KCND2: variants seen among roughly 807,000 people sequenced by gnomAD.
KCND2 encodes the protein potassium voltage-gated channel subfamily D member 2, also known as A-type voltage-gated potassium channel KCND2.
In KCND2, 16 loss-of-function variants were observed where a neutral mutation model predicts 54.4. The observed-to-expected ratio is 0.29, with a 90% confidence interval of 0.20 to 0.45. The LOEUF (loss-of-function observed/expected upper bound fraction) is 0.45, where lower values mean the gene tolerates loss of function less well. Ranked by LOEUF, KCND2 falls within the 20% of genes least tolerant of loss-of-function variation. The pLI is 1.00. For synonymous variants in KCND2, 317 were observed against 310.7 expected, an observed-to-expected ratio of 1.02 and a Z score of -0.21; for missense variants, 486 against 824.2, an observed-to-expected ratio of 0.59 and a Z score of 5.02.
At chr7:120,524,446 G>C (rs1057071042) in intron 1 of KCND2, among the ~76,000 whole-genome samples, 2 of 151,860 alleles carry the variant, frequency 1.3e-5, no homozygotes, top group African/African-American at 4.8e-5. Flanking sequence ...ATTTTTAAAG[G>C]CTTTTTCTTT....
chr7:120,652,169 G>C (rs1002319847), intron 1 of KCND2, among the ~76,000 whole-genome samples: 1 of 151,808 alleles, frequency 6.6e-6, no homozygotes, highest in Admixed American at 6.6e-5. Flanking sequence ...TCCGCCTCCC[G>C]GGTTCAAGTG....
chr7:120,504,869 A>G (rs10268591), intron 1 of KCND2, among the ~76,000 whole-genome samples: 9,251 of 151,574 alleles, frequency 0.061, 589 homozygotes, highest in African/African-American at 0.17. Context: ...ATCACTCATG[A>G]ATATCGGTAT....
intron 1 of KCND2, among the ~76,000 whole-genome samples, chr7:120,317,735 G>C (rs1458270544): frequency 6.6e-6 from 1 of 152,088 alleles, no homozygotes; most frequent in South Asian, 2.1e-4. Context: ...AAATTAAATT[G>C]TCTTTAGAGA....
chr7:120,350,152 T>C (rs1800381876), intron 1 of KCND2, among the ~76,000 whole-genome samples: 1 of 152,144 alleles, frequency 6.6e-6, no homozygotes, highest in African/African-American at 2.4e-5. Flanking sequence ...TTTTATCTGC[T>C]GCCTTTAAAT....
chr7:120,415,692 A>T (rs567808121), intron 1 of KCND2, among the ~76,000 whole-genome samples: 5 of 152,306 alleles, frequency 3.3e-5, no homozygotes, highest in African/African-American at 1.2e-4. Context: ...GATGAATGGC[A>T]TTAGGCCAAA....
chr7:120,569,942 G>A (rs888198602), intron 1 of KCND2, among the ~76,000 whole-genome samples: 1 of 152,086 alleles, frequency 6.6e-6, no homozygotes, highest in African/African-American at 2.4e-5. Flanking sequence ...TTTGACAAAT[G>A]CTAATGATGC....
intron 1 of KCND2, among the ~76,000 whole-genome samples, chr7:120,340,365 C>T (rs1398664831): frequency 1.3e-5 from 2 of 152,136 alleles, no homozygotes; most frequent in Non-Finnish European, 2.9e-5. Context: ...TGAAATGAAG[C>T]CAGCATGTTT....
At chr7:120,656,221 TA>T (rs1791802016) in intron 1 of KCND2, among the ~76,000 whole-genome samples, 2 of 152,138 alleles carry the variant, frequency 1.3e-5, no homozygotes, top group Admixed American at 1.3e-4. Context: ...TCAGTTGTGA[TA>T]TACTTATAAA....
intron 1 of KCND2, among the ~76,000 whole-genome samples, chr7:120,332,446 G>A (rs566832162): frequency 3.7e-4 from 57 of 152,210 alleles, no homozygotes; most frequent in African/African-American, 1.2e-3. Context: ...GTAACAAAAA[G>A]TAGGTAGATG....
chr7:120,579,508 A>C (rs1046582709), intron 1 of KCND2, among the ~76,000 whole-genome samples: 1 of 151,832 alleles, frequency 6.6e-6, no homozygotes, highest in Non-Finnish European at 1.5e-5. Context: ...AGGCTGAGGC[A>C]GGAGAATTGC....
intron 1 of KCND2, among the ~76,000 whole-genome samples, chr7:120,469,927 CACTT>C (rs762699860): frequency 4.6e-5 from 7 of 152,090 alleles, no homozygotes; most frequent in Non-Finnish European, 1.0e-4. Context: ...AAAAAAGTCA[CACTT>C]AGTGTGTTGT....
chr7:120,510,216 C>A (rs992573174), intron 1 of KCND2, among the ~76,000 whole-genome samples: 2 of 152,094 alleles, frequency 1.3e-5, no homozygotes, highest in Admixed American at 6.6e-5. Context: ...GTCAGAGACA[C>A]TAGATGCTGT....
intron 1 of KCND2, among the ~76,000 whole-genome samples, chr7:120,623,560 C>T (rs1562890790): frequency 6.6e-6 from 1 of 152,184 alleles, no homozygotes; most frequent in Non-Finnish European, 1.5e-5. Flanking sequence ...GGTTCTGAGA[C>T]TGTGCATTTT....
At chr7:120,413,325 T>C (rs979199853) in intron 1 of KCND2, among the ~76,000 whole-genome samples, 1 of 152,010 alleles carries the variant, frequency 6.6e-6, no homozygotes, top group Non-Finnish European at 1.5e-5. Context: ...TTAGATAAAT[T>C]ATTTTTTAAC....
intron 1 of KCND2, among the ~76,000 whole-genome samples, chr7:120,360,690 C>A (rs1584746680): frequency 6.6e-6 from 1 of 152,000 alleles, no homozygotes; most frequent in South Asian, 2.1e-4. Context: ...GTCATTGACA[C>A]TTTTAAACAT....
intron 1 of KCND2, among the ~76,000 whole-genome samples, chr7:120,492,415 T>C (rs1802797691): frequency 6.6e-6 from 1 of 152,030 alleles, no homozygotes; most frequent in Non-Finnish European, 1.5e-5. Context: ...TATGTACATA[T>C]ATGTATATAT....
At chr7:120,698,000 T>A (rs899842132) in intron 1 of KCND2, among the ~76,000 whole-genome samples, 7 of 151,106 alleles carry the variant, frequency 4.6e-5, no homozygotes, top group Non-Finnish European at 8.8e-5. Flanking sequence ...TAGGGAAGCA[T>A]ATTTGGATAT....
At chr7:120,548,786 G>A (rs534879699) in intron 1 of KCND2, among the ~76,000 whole-genome samples, 1 of 152,210 alleles carries the variant, frequency 6.6e-6, no homozygotes, top group South Asian at 2.1e-4. Context: ...TGAGTTGCAG[G>A]GAGGAAAATG....
intron 1 of KCND2, among the ~76,000 whole-genome samples, chr7:120,519,431 C>T (rs552937083): frequency 7.2e-5 from 11 of 152,224 alleles, no homozygotes; most frequent in African/African-American, 2.6e-4. Context: ...AAACAGGGAC[C>T]TCATCTCTAC....
Sources: allele counts gnomAD v4.1 joint callset (sites outside exome capture counted in the v4.1 genomes callset), GRCh38; gene constraint gnomAD v4.1.1; transcripts MANE v1.5; gene names NCBI Gene and HGNC (gene_info 2026-07-23, HGNC 2026-07-21).